Variants in NCBP1 observed in about 807,000 individuals in gnomAD.
NCBP1 encodes the protein nuclear cap binding protein subunit 1.
NCBP1 carries 16 observed loss-of-function variants against 111.7 expected under a neutral mutation model. The observed-to-expected ratio is 0.14, with a 90% CI of 0.10 to 0.22. The LOEUF (loss-of-function observed/expected upper bound fraction) is 0.22, where lower values mean the gene tolerates loss of function less well. Ranked by LOEUF, NCBP1 falls within the 10% of genes least tolerant of loss-of-function variation. NCBP1 has a pLI of 1.00. For synonymous variants in NCBP1, 304 were observed against 314.3 expected, an observed-to-expected ratio of 0.97 and a Z score of 0.35; for missense variants, 607 against 957.5, an observed-to-expected ratio of 0.63 and a Z score of 4.83.
At chr9:97,652,428 G>A (rs570196405) in intron 10 of NCBP1, among the ~76,000 whole-genome samples, 7 of 152,282 alleles carry the variant, frequency 4.6e-5, no homozygotes, top group Admixed American at 1.3e-4. Flanking sequence ...GACCAGCCTG[G>A]GCAACATGGC....
At chr9:97,668,772 ATGCTTCCCCTGG>A in intron 20 of NCBP1, 62 bp from the exon 21 acceptor site, 1 of 1,506,896 alleles carries the variant, frequency 6.6e-7, no homozygotes, top group East Asian at 2.4e-5. Flanking sequence ...ACACAGTAAA[ATGCTTCCCCTGG>A]AGGAGATTTA....
At position 97,647,528 on chromosome 9, in the gene NCBP1, A is replaced by G. The variant is rs572814024; in HGVS notation, c.648A>G (p.Val216=). Residue 216 remains valine (V), a synonymous_variant, in exon 7 of 23, where the codon GTA becomes GTG. Coordinates refer to ENST00000375147, the MANE Select transcript of NCBP1 (RefSeq NM_002486.5). ...AGACTCATGTACCCATGTTACAGGTATGGACTGCTGATAAACCACATCCAC... is the reference window on the plus strand; with the variant it reads ...AGACTCATGTACCCATGTTACAGGTGTGGACTGCTGATAAACCACATCCAC... ...RQKTHVPMLQ[V]WTADKPHPQE... 4 of 1,613,380 alleles carry G rather than the reference A, an allele frequency of 2.5e-6. No homozygotes were observed. Among genetic ancestry groups the G allele is most frequent in the Admixed American group, 1.7e-5 (1 of 60,022 alleles).
intron 1 of NCBP1, among the ~76,000 whole-genome samples, chr9:97,636,595 T>C (rs1282352982): frequency 7.3e-6 from 1 of 137,664 alleles, no homozygotes; most frequent in Non-Finnish European, 1.6e-5. Flanking sequence ...TTACATATAA[T>C]TATATACTGT....
intron 10 of NCBP1, among the ~76,000 whole-genome samples, 164 bp downstream of exon 10, chr9:97,651,537 A>G (rs919559891): frequency 3.3e-5 from 5 of 152,148 alleles, no homozygotes; most frequent in Admixed American, 1.3e-4. Flanking sequence ...TTGGTGCTCT[A>G]TTAGCCATGT....
intron 3 of NCBP1, among the ~76,000 whole-genome samples, chr9:97,642,538 A>C (rs1475552190): frequency 1.3e-5 from 2 of 152,106 alleles, no homozygotes; most frequent in Admixed American, 1.3e-4. Context: ...GCTTTTTCTA[A>C]AGGTTTATTG....
chr9:97,660,247 A>G (rs893407012), intron 15 of NCBP1, among the ~76,000 whole-genome samples: 3 of 152,178 alleles, frequency 2.0e-5, no homozygotes, highest in East Asian at 1.9e-4. Flanking sequence ...CTCATACTCT[A>G]TAACAGGATT....
At chr9:97,661,124 T>C in intron 16 of NCBP1, 56 bp downstream of exon 16, 1 of 1,594,412 alleles carries the variant, frequency 6.3e-7, no homozygotes, top group Non-Finnish European at 8.5e-7. Flanking sequence ...ACTTAAAGCA[T>C]AAACATAACT....
At chr9:97,634,197 T>C (rs1826924140) in intron 1 of NCBP1, among the ~76,000 whole-genome samples, 1 of 152,214 alleles carries the variant, frequency 6.6e-6, no homozygotes, top group Non-Finnish European at 1.5e-5. Context: ...CAGAATTTCG[T>C]CCGTAAAACC....
At chr9:97,637,085 G>A (rs1213306693) in intron 1 of NCBP1, among the ~76,000 whole-genome samples, 2 of 152,140 alleles carry the variant, frequency 1.3e-5, no homozygotes, top group Non-Finnish European at 1.5e-5. Context: ...GAGTGAGTGA[G>A]GGGGAAGTTG....
At chr9:97,669,559 TGTA>T in intron 21 of NCBP1, 31 bp from the exon 22 acceptor site, 1 of 1,431,876 alleles carries the variant, frequency 7.0e-7, no homozygotes, top group Non-Finnish European at 9.9e-7. Flanking sequence ...AGATTCTGTC[TGTA>T]GTACTACCTT....
intron 19 of NCBP1, among the ~76,000 whole-genome samples, 193 bp from the exon 20 acceptor site, chr9:97,666,570 G>A (rs543815495): frequency 6.6e-6 from 1 of 152,328 alleles, no homozygotes; most frequent in East Asian, 1.9e-4. Context: ...AATCTAATGG[G>A]TGTGAAGATA....
chr9:97,669,012 A>G (rs1354015444), intron 21 of NCBP1, 38 bp downstream of exon 21: 1 of 1,538,596 alleles, frequency 6.5e-7, no homozygotes, highest in South Asian at 1.2e-5. Flanking sequence ...AAAAGGAAAC[A>G]ATACATTTCT....
At chr9:97,652,159 AC>A (rs1242745804) in intron 10 of NCBP1, among the ~76,000 whole-genome samples, 5 of 152,166 alleles carry the variant, frequency 3.3e-5, no homozygotes, top group African/African-American at 1.2e-4. Flanking sequence ...GCACACCACC[AC>A]GCCCGGCTAA....
Position 97,664,420 on chromosome 9 carries a change from A to T in NCBP1, c.1878A>T (p.Ser626=), listed in dbSNP as rs1827932907. 4.3e-6 allele frequency: 7 copies of T among 1,610,322 alleles called. No homozygotes were observed. The highest frequency in any genetic ancestry group is 5.9e-6 in the Non-Finnish European group (7 of 1,176,754). Residue 626 remains serine, a synonymous_variant, in exon 19 of 23, where the codon TCA becomes TCT. Transcript: ENST00000375147. The stretch of plus-strand genomic sequence containing the variant: ...CCGTAGCAAATTGGATCTTCTCTTC[A>T]GAACTATCTCGTGACTTTACCAGGT... ...CAAVANWIFS[S]ELSRDFTRLF...
In NCBP1 at chr9:97,647,661, T is replaced by C. The variant is rs1827384307; in HGVS notation, c.681+100T>C. Reference sequence around the variant, plus strand: ...AGACCATTCCATTTTACCCTTTGACTGTGTTTCTACATTTCATGATAGTTC... The same window carrying C: ...AGACCATTCCATTTTACCCTTTGACCGTGTTTCTACATTTCATGATAGTTC... On this transcript the variant is annotated intron_variant, in intron 7 of 22. Coordinates refer to ENST00000375147, the MANE Select transcript of NCBP1 (RefSeq NM_002486.5). 24 of 1,027,664 alleles carry C rather than the reference T, an allele frequency of 2.3e-5. No individual in the cohort carries two copies. The South Asian group carries it at 3.4e-4, about 15-fold the overall frequency. The allele number at this position is 1,027,664 out of a possible 1,614,324, so 63.7% of individuals were successfully genotyped here.
chr9:97,647,686 C>A, intron 7 of NCBP1, 125 bp downstream of exon 7: 1 of 790,164 alleles, frequency 1.3e-6, no homozygotes. Flanking sequence ...CATGATAGTT[C>A]CTTCTCATAG....
Position 97,658,732 on chromosome 9 carries a change from A to G in NCBP1, c.1466A>G (p.Asp489Gly). Residue 489 changes from aspartate to glycine, a missense_variant, in exon 15 of 23, where the codon GAT becomes GGT. Physicochemically the swap from Asp to Gly is moderately conservative, Grantham distance 94. Coordinates refer to ENST00000375147, the MANE Select transcript of NCBP1 (RefSeq NM_002486.5). ...CCAACCTGCATTTACAAGTATGGAG[A>G]TGAAAGTAGCAGTAAGTAATGAAAC... ...ANPTCIYKYG[D>G]ESSNSLPGHS... 1 of 1,604,282 alleles carries G rather than the reference A, an allele frequency of 6.2e-7. No homozygotes were observed. Among genetic ancestry groups the G allele is most frequent in the Non-Finnish European group, 8.5e-7 (1 of 1,171,314 alleles).
At chr9:97,634,788 G>T (rs1355193786) in intron 1 of NCBP1, among the ~76,000 whole-genome samples, 2 of 152,184 alleles carry the variant, frequency 1.3e-5, no homozygotes, top group African/African-American at 4.8e-5. Context: ...TATAGTAGTG[G>T]TTAAGAGATG....
Position 97,636,677 on chromosome 9 carries a change from A to AG in NCBP1, c.34+2762_34+2763insG, listed in dbSNP as rs1827050992. 5.8e-5 allele frequency among the ~76,000 whole-genome samples: 7 copies of AG among 121,566 alleles called. No homozygotes were observed. In the Admixed American group the frequency reaches 6.0e-4, roughly 10 times the overall value. 79.8% of individuals were successfully genotyped at this position (121,566 alleles called of 152,430 possible). A position where few individuals can be genotyped will look rare whatever the true frequency, so the allele number is the denominator to read the frequency against. ...ATATATATATATATATATATATAAA[A>AG]TCATTTATTCAACAAATACTTAACA... On this transcript the variant is annotated intron_variant, in intron 1 of 22. Coordinates refer to ENST00000375147, the MANE Select transcript of NCBP1 (RefSeq NM_002486.5).
Sources: allele counts gnomAD v4.1 joint callset (sites outside exome capture counted in the v4.1 genomes callset), GRCh38; gene constraint gnomAD v4.1.1; transcripts MANE v1.5; gene names NCBI Gene and HGNC (gene_info 2026-07-23, HGNC 2026-07-21).